The following A2ML1 variants were observed in gnomAD, a reference collection of about 807,000 sequenced individuals.
The protein encoded by A2ML1 is alpha-2-macroglobulin like 1.
In A2ML1, 161 loss-of-function variants were observed where a neutral mutation model predicts 181.9. The ratio of observed to expected loss-of-function variants is 0.89; its 90% CI spans 0.78 to 1.01. The LOEUF (loss-of-function observed/expected upper bound fraction) is 1.01. Ranked by LOEUF, A2ML1 falls within the 50% of genes least tolerant of loss-of-function variation. A2ML1 has a pLI of 0.00. For missense variants in A2ML1, 1,670 were observed against 1,768.1 expected (o/e 0.94, Z 1.00); for synonymous variants, 663 against 666.8 (o/e 0.99, Z 0.09).
chr12:8,846,570 A>G (rs1943693995), intron 14 of A2ML1, among the ~76,000 whole-genome samples: 1 of 152,102 alleles, frequency 6.6e-6, no homozygotes, highest in Non-Finnish European at 1.5e-5. Context: ...CTGGGTGTGC[A>G]GCACTTTGGG....
chr12:8,842,394 AT>A (rs35834530), intron 11 of A2ML1, among the ~76,000 whole-genome samples: 39,191 of 151,280 alleles, frequency 0.26, 6,165 homozygotes, highest in East Asian at 0.71. Flanking sequence ...AATTTTTTGT[AT>A]TTTTTAGTAG....
In A2ML1 at chr12:8,825,061, C is replaced by T. The variant is rs187258127; in HGVS notation, c.409+1179C>T. 6.4e-3 allele frequency among the ~76,000 whole-genome samples: 975 copies of T among 152,270 alleles called. 8 individuals are homozygous for T. Among genetic ancestry groups the T allele is most frequent in the African/African-American group, 0.019 (802 of 41,562 alleles). ...AATACTGATGCCATAAACATGGCAG[C>T]ACAGATAGTCTTTGATATACTGATT... is the stretch of plus-strand genomic sequence containing the variant. On this transcript the variant is annotated intron_variant, in intron 3 of 35. Transcript: ENST00000299698.
At chr12:8,840,286 G>A (rs779198140) in intron 10 of A2ML1, among the ~76,000 whole-genome samples, 46 of 151,420 alleles carry the variant, frequency 3.0e-4, no homozygotes, top group African/African-American at 1.0e-3. Context: ...CTTGAACACA[G>A]GAGGCAGGGG....
chr12:8,835,468 A>C, intron 5 of A2ML1, 39 bp from the exon 6 acceptor site: 1 of 1,610,794 alleles, frequency 6.2e-7, no homozygotes, highest in Non-Finnish European at 8.5e-7. Flanking sequence ...AGTGGGAAGC[A>C]AACGGGCAGG....
chr12:8,830,304 G>C (rs753450753), intron 4 of A2ML1, among the ~76,000 whole-genome samples: 3 of 151,936 alleles, frequency 2.0e-5, no homozygotes, highest in Non-Finnish European at 4.4e-5. Context: ...CACCCACCTC[G>C]GCCTCCCAAA....
chr12:8,832,710 C>T (rs997408044), intron 4 of A2ML1, among the ~76,000 whole-genome samples: 2 of 152,166 alleles, frequency 1.3e-5, no homozygotes, highest in Non-Finnish European at 2.9e-5. Context: ...GTTCTGGCTT[C>T]TTCCTGCTGA....
chr12:8,865,888 T>C (rs1355607170), intron 29 of A2ML1, among the ~76,000 whole-genome samples: 2 of 152,092 alleles, frequency 1.3e-5, no homozygotes, highest in African/African-American at 2.4e-5. Context: ...ACTAAGAAAA[T>C]ATATTTCTTG....
At chr12:8,841,009 A>AGGAAGGAC (rs1455920945) in intron 10 of A2ML1, among the ~76,000 whole-genome samples, 1 of 76,960 alleles carries the variant, frequency 1.3e-5, no homozygotes, top group African/African-American at 4.3e-5. Flanking sequence ...GAAGGAAGGA[A>AGGAAGGAC]GGACGGAAGG....
At chr12:8,832,814 G>A (rs892963022) in intron 4 of A2ML1, among the ~76,000 whole-genome samples, 2 of 152,012 alleles carry the variant, frequency 1.3e-5, no homozygotes, top group Admixed American at 6.6e-5. Context: ...CACTGTCATC[G>A]TTTCCTCAGT....
At chr12:8,837,398 T>C in intron 7 of A2ML1, 42 bp from the exon 8 acceptor site, 1 of 1,608,352 alleles carries the variant, frequency 6.2e-7, no homozygotes, top group Non-Finnish European at 8.5e-7. Context: ...GGATCTCAAG[T>C]GGAATTTCCC....
chr12:8,835,325 C>G (rs760113724), intron 5 of A2ML1, among the ~76,000 whole-genome samples, 182 bp from the exon 6 acceptor site: 7 of 152,322 alleles, frequency 4.6e-5, no homozygotes, highest in Non-Finnish European at 8.8e-5. Flanking sequence ...AAATATTTAC[C>G]TCATTCCGCC....
Position 8,852,297 on chromosome 12 carries a change from G to A in A2ML1, c.2551G>A (p.Ala851Thr). The A allele has an allele frequency of 3.1e-6, 5 of 1,614,104 alleles. No homozygotes were observed. The highest frequency in any genetic ancestry group is 1.6e-4 in the Middle Eastern group (1 of 6,062). Residue 851 changes from alanine to threonine, a missense_variant, in exon 20 of 36, where the codon GCA becomes ACA. Coordinates refer to ENST00000299698, the MANE Select transcript of A2ML1 (RefSeq NM_144670.6). This position sits in a 1 kb window ranked among gnomAD's most constrained non-coding sequence, Gnocchi z 4.2. ...CTCCAGTTGTCTCTGTGCTGATGAC[G>A]CAAAAACCCACCACTGGAACATCAC... ...QTSSCLCADDAKTHHWNITAV... is the reference protein window; with the variant it reads ...QTSSCLCADDTKTHHWNITAV...
Position 8,835,660 on chromosome 12 carries a change from G to A in A2ML1, c.637G>A (p.Glu213Lys), listed in dbSNP as rs371906781. Reference sequence around the variant, plus strand: ...GACCTTTGGTACTTTCAGTGTGGAGGAATATGGTAGGTGGGGAAATGGACA... The same window carrying A: ...GACCTTTGGTACTTTCAGTGTGGAGAAATATGGTAGGTGGGGAAATGGACA... ...GKTFGTFSVE[E>K]YVLPKFKVEV... The change falls in exon 6 of 36, where the codon GAA becomes AAA. Residue 213 changes from glutamate (E) to lysine (K), a missense_variant. Glu to Lys is a moderately conservative substitution (Grantham distance 56, BLOSUM62 1). Coordinates refer to ENST00000299698, the MANE Select transcript of A2ML1 (RefSeq NM_144670.6). 36 of 1,614,000 alleles carry A rather than the reference G, an allele frequency of 2.2e-5. No homozygotes were observed. The highest frequency in any genetic ancestry group is 2.8e-5 in the Non-Finnish European group (33 of 1,180,014).
chr12:8,845,107 T>C, intron 12 of A2ML1: 1 of 1,451,690 alleles, frequency 6.9e-7, no homozygotes, highest in Non-Finnish European at 9.0e-7. Flanking sequence ...TTCGCTGACT[T>C]TCTGTTACAA....
chr12:8,866,129 C>G (rs35687600), intron 29 of A2ML1, among the ~76,000 whole-genome samples: 34,238 of 151,506 alleles, frequency 0.23, 4,217 homozygotes, highest in Middle Eastern at 0.35. Flanking sequence ...CACGGTGAAA[C>G]CCCATCTCTA....
intron 12 of A2ML1, 71 bp from the exon 13 acceptor site, chr12:8,845,371 G>T: frequency 6.5e-7 from 1 of 1,536,040 alleles, no homozygotes; most frequent in South Asian, 1.1e-5. Flanking sequence ...ATGCAGAGAT[G>T]CTCTGGAAGT....
At position 8,857,562 on chromosome 12, in the gene A2ML1, G is replaced by T. The variant is rs1398410673; in HGVS notation, c.3081G>T (p.Gly1027=). The change falls in exon 25 of 36, where the codon GGG becomes GGT. Residue 1027 remains glycine, a synonymous_variant. Coordinates refer to ENST00000299698, the MANE Select transcript of A2ML1 (RefSeq NM_144670.6). The part of the protein sequence containing the change: ...KHSNGSYSAF[G]ERDGNGNTWL... ...GCAATGGCTCATACAGTGCCTTTGG[G>T]GAGCGAGATGGAAATGGAAACACAT... 1 of 1,611,722 alleles carries T rather than the reference G, an allele frequency of 6.2e-7. No homozygotes were observed. The highest frequency in any genetic ancestry group is 1.7e-5 in the Admixed American group (1 of 59,604).
Position 8,823,866 on chromosome 12 carries a change from C to T in A2ML1, c.393C>T (p.Tyr131=), listed in dbSNP as rs150589261. 3 of 1,612,470 alleles carry T rather than the reference C, an allele frequency of 1.9e-6. No homozygotes were observed. In the African/African-American group the frequency reaches 4.0e-5, roughly 21 times the overall value. ...GTFVQTDKPL[Y]TPGQQVYFRI... is the part of the protein sequence containing the mutation. ...TTGTACAGACTGACAAACCTCTCTA[C>T]ACCCCAGGGCAGCAAGGTAAGAGTC... Residue 131 remains tyrosine (Y), a synonymous_variant, in exon 3 of 36, where the codon TAC becomes TAT. Transcript: ENST00000299698.
chr12:8,883,973 G>A (rs772908126), intron 7 of A2ML1, among the ~76,000 whole-genome samples: 1,522 of 151,556 alleles, frequency 0.01, 29 homozygotes, highest in African/African-American at 0.035. Context: ...TTTAGTAGAG[G>A]CAGGGTTTCG....
Sources: allele counts gnomAD v4.1 joint callset (sites outside exome capture counted in the v4.1 genomes callset), GRCh38; gene constraint gnomAD v4.1.1; non-coding constraint Gnocchi (gnomAD v3.1); transcripts MANE v1.5; gene names NCBI Gene and HGNC (gene_info 2026-07-23, HGNC 2026-07-21).